The following ARHGAP32 variants were observed in gnomAD, a reference collection of about 807,000 sequenced individuals.
ARHGAP32 encodes the protein Rho GTPase activating protein 32, also known as rho GTPase-activating protein 32.
In ARHGAP32, 51 loss-of-function variants were observed where a neutral mutation model predicts 186.5. The ratio of observed to expected loss-of-function variants is 0.27; its 90% CI spans 0.22 to 0.35. ARHGAP32 has a LOEUF of 0.35. Among genes scored for constraint, ARHGAP32 ranks in the 10% least tolerant of loss-of-function variants. The pLI is 1.00. For synonymous variants in ARHGAP32, 950 were observed against 964.3 expected, an observed-to-expected ratio of 0.99 and a Z score of 0.27; for missense variants, 2,186 against 2,623.5, an observed-to-expected ratio of 0.83 and a Z score of 3.64.
intron 6 of ARHGAP32, among the ~76,000 whole-genome samples, chr11:129,074,799 A>C (rs973142580): frequency 1.3e-5 from 2 of 152,026 alleles, no homozygotes; most frequent in Non-Finnish European, 2.9e-5. Flanking sequence ...GCCTAAAAAA[A>C]TTTTTTTTAA....
At chr11:128,986,153 T>A in intron 14 of ARHGAP32, 68 bp from the exon 15 acceptor site, 1 of 1,243,904 alleles carries the variant, frequency 8.0e-7, no homozygotes, top group Non-Finnish European at 1.1e-6. Flanking sequence ...CACTTACAAT[T>A]CAGTTTTCAC....
intron 10 of ARHGAP32, among the ~76,000 whole-genome samples, chr11:129,054,480 C>T (rs1320437052): frequency 6.6e-6 from 1 of 152,112 alleles, no homozygotes; most frequent in East Asian, 1.9e-4. Flanking sequence ...ATTTTTATCA[C>T]GTTTCTCTCA....
intron 1 of ARHGAP32, among the ~76,000 whole-genome samples, chr11:129,267,015 C>A (rs1945410271): frequency 1.3e-5 from 2 of 152,170 alleles, no homozygotes; most frequent in South Asian, 4.1e-4. Context: ...CAGACACGCA[C>A]ATGCAAACTT....
intron 1 of ARHGAP32, among the ~76,000 whole-genome samples, chr11:129,242,624 A>C (rs999467025): frequency 4.0e-5 from 6 of 151,816 alleles, no homozygotes; most frequent in Admixed American, 6.6e-5. Flanking sequence ...AGGCTGAGGC[A>C]GGAGAATGGC....
chr11:128,974,049 T>C, intron 21 of ARHGAP32, 75 bp downstream of exon 21: 1 of 1,531,878 alleles, frequency 6.5e-7, no homozygotes, highest in South Asian at 1.3e-5. Flanking sequence ...ATTTCTCTCT[T>C]AAAAGGCACA....
At chr11:129,135,722 G>A (rs183140375) in intron 2 of ARHGAP32, among the ~76,000 whole-genome samples, 32 of 151,976 alleles carry the variant, frequency 2.1e-4, no homozygotes, top group Non-Finnish European at 3.8e-4. Flanking sequence ...AGCTGAGATC[G>A]CGCCACTGCA....
chr11:129,183,811 T>C lies in ARHGAP32; in HGVS notation c.116+8272A>G, dbSNP rs541507136. On this transcript the variant is annotated intron_variant, in intron 1 of 22. Coordinates refer to ENST00000682385, the MANE Select transcript of ARHGAP32 (RefSeq NM_001378024.1). ...GGCACCACGATTCTGCCTCAGTGAATGTTCCCTGCAGAAAAGTTTCCTCTC... is the reference window on the plus strand; with the variant it reads ...GGCACCACGATTCTGCCTCAGTGAACGTTCCCTGCAGAAAAGTTTCCTCTC... Among the ~76,000 whole-genome samples the C allele has an allele frequency of 1.2e-4, 18 of 152,254 alleles. No individual in the cohort carries two copies. In the South Asian group the frequency reaches 3.3e-3, roughly 28 times the overall value.
At chr11:129,105,973 C>G (rs1942036968) in intron 5 of ARHGAP32, among the ~76,000 whole-genome samples, 1 of 151,856 alleles carries the variant, frequency 6.6e-6, no homozygotes, top group African/African-American at 2.4e-5. Flanking sequence ...AGTCTGGGGC[C>G]AAAAGGTACA....
At position 128,974,549 on chromosome 11, in the gene ARHGAP32, T is replaced by C. The variant is rs770453149; in HGVS notation, c.2648A>G (p.Asp883Gly). The C allele has an allele frequency of 6.2e-7, 1 of 1,614,182 alleles. No homozygotes were observed. The highest frequency in any genetic ancestry group is 1.1e-5 in the South Asian group (1 of 91,084). The change falls in exon 21 of 23, where the codon GAC becomes GGC. Residue 883 changes from aspartate (D) to glycine (G), a missense_variant. By Grantham distance (94) the Asp-to-Gly change is moderately conservative. Transcript: ENST00000682385. ...QEKLSPFFTLDLSPTEDKSSK... is the reference protein window; with the variant it reads ...QEKLSPFFTLGLSPTEDKSSK... ...TGATTTATCTTCAGTTGGGCTCAAG[T>C]CCAGGGTAAAGAATGGACTCAGTTT...
At chr11:129,259,474 C>T (rs1005346679) in intron 1 of ARHGAP32, among the ~76,000 whole-genome samples, 1 of 151,308 alleles carries the variant, frequency 6.6e-6, no homozygotes, top group Admixed American at 6.6e-5. Context: ...CACACACACA[C>T]AAAAAAATAC....
intron 5 of ARHGAP32, among the ~76,000 whole-genome samples, chr11:129,107,706 TA>T (rs1392372720): frequency 6.6e-6 from 1 of 151,788 alleles, no homozygotes; most frequent in African/African-American, 2.4e-5. Flanking sequence ...CCGTCTCTAC[TA>T]AAAATACAAA....
chr11:129,195,839 G>A (rs533840161), upstream of ARHGAP32, among the ~76,000 whole-genome samples: 11 of 152,330 alleles, frequency 7.2e-5, 1 homozygote, highest in South Asian at 2.3e-3. Context: ...CGGGGGCAGG[G>A]ATGGAACACA....
At chr11:129,278,303 T>C (rs1008574728) in intron 1 of ARHGAP32, among the ~76,000 whole-genome samples, 14 of 152,212 alleles carry the variant, frequency 9.2e-5, no homozygotes, top group African/African-American at 3.4e-4. Flanking sequence ...TGCATTCAGA[T>C]CAAAATTATA....
At chr11:129,268,330 G>C (rs192909830) in intron 1 of ARHGAP32, among the ~76,000 whole-genome samples, 111 of 152,228 alleles carry the variant, frequency 7.3e-4, no homozygotes, top group Non-Finnish European at 1.4e-3. Context: ...GCATGGAGTA[G>C]TGTTCCAATT....
Position 129,024,066 on chromosome 11 carries a change from A to AC in ARHGAP32, c.1045+16861dup, listed in dbSNP as rs1422647654. 4 of 985,100 alleles carry AC rather than the reference A, an allele frequency of 4.1e-6. No homozygotes were observed. In the African/African-American group the frequency reaches 7.0e-5, roughly 17 times the overall value. The allele number at this position is 985,100 out of a possible 1,614,324, so 61.0% of individuals were successfully genotyped here. On this transcript the variant is annotated intron_variant, in intron 11 of 22. Transcript: ENST00000682385. ...CTGCCGGGTTCCAGCTGTTTTCAGG[A>AC]CCCCCTGCAGCAGCAGTTTTCTTGG...
chr11:129,237,470 T>C (rs1944951457), intron 1 of ARHGAP32, among the ~76,000 whole-genome samples: 1 of 152,128 alleles, frequency 6.6e-6, no homozygotes, highest in South Asian at 2.1e-4. Flanking sequence ...ATTTATTGGG[T>C]AGTGATAAGT....
chr11:129,279,542 G>C (rs1191279608), upstream of ARHGAP32, among the ~76,000 whole-genome samples: 2 of 145,536 alleles, frequency 1.4e-5, no homozygotes, highest in African/African-American at 4.9e-5. Context: ...TGGCCGGCGC[G>C]TGCCCCCGCC....
intron 5 of ARHGAP32, among the ~76,000 whole-genome samples, chr11:129,102,756 T>G (rs1040016024): frequency 5.3e-5 from 8 of 152,126 alleles, no homozygotes; most frequent in African/African-American, 7.2e-5. Context: ...TTGTACATTG[T>G]TGGTGGTATT....
intron 2 of ARHGAP32, among the ~76,000 whole-genome samples, chr11:129,136,446 A>T (rs1299507425): frequency 6.6e-6 from 1 of 152,180 alleles, no homozygotes; most frequent in Non-Finnish European, 1.5e-5. Context: ...CATAAGCAAA[A>T]AGTCATAAAG....
Sources: gnomAD v4.1 joint callset for allele counts (sites outside exome capture counted in the v4.1 genomes callset) on GRCh38, gnomAD v4.1.1 for gene constraint, MANE v1.5 for transcripts, NCBI Gene and HGNC (gene_info 2026-07-23, HGNC 2026-07-21) for gene names.